The following GRIN2B variants were observed in gnomAD, a reference collection of about 807,000 sequenced individuals.
GRIN2B encodes glutamate ionotropic receptor NMDA type subunit 2B.
Under a neutral mutation model 114.5 loss-of-function variants are expected in GRIN2B, and 5 were observed. The observed-to-expected ratio is 0.04, with a 90% CI of 0.02 to 0.09. The LOEUF (loss-of-function observed/expected upper bound fraction) is 0.09, where lower values mean the gene tolerates loss of function less well. Ranked by LOEUF, GRIN2B falls within the 10% of genes least tolerant of loss-of-function variation. The pLI is 1.00. For synonymous variants in GRIN2B, 787 were observed against 745.1 expected (o/e 1.06, Z -0.92); for missense variants, 1,108 against 1,943.5 (o/e 0.57, Z 8.08).
At chr12:13,577,138 G>C (rs1211303452) in intron 10 of GRIN2B, among the ~76,000 whole-genome samples, 1 of 152,144 alleles carries the variant, frequency 6.6e-6, no homozygotes, top group East Asian at 1.9e-4. Context: ...GCCTACTAGG[G>C]AGTGAAGCCA....
chr12:13,648,760 GC>G (rs1949787234), intron 5 of GRIN2B, among the ~76,000 whole-genome samples: 1 of 151,954 alleles, frequency 6.6e-6, no homozygotes, highest in Non-Finnish European at 1.5e-5. Flanking sequence ...ACAAATCTCT[GC>G]CCTGGAGGAT....
intron 3 of GRIN2B, among the ~76,000 whole-genome samples, chr12:13,831,573 G>C (rs1377092492): frequency 6.6e-6 from 1 of 152,192 alleles, no homozygotes; most frequent in African/African-American, 2.4e-5. Context: ...TGGATTGAAA[G>C]GGACTGAAAT....
At chr12:13,971,067 G>C (rs943885484) in intron 2 of GRIN2B, among the ~76,000 whole-genome samples, 6 of 152,260 alleles carry the variant, frequency 3.9e-5, no homozygotes, top group Non-Finnish European at 7.4e-5. Context: ...GGCTGCAGTA[G>C]CTCCATGATT....
intron 3 of GRIN2B, among the ~76,000 whole-genome samples, chr12:13,759,174 A>AT (rs992653910): frequency 6.6e-6 from 1 of 150,772 alleles, no homozygotes; most frequent in Admixed American, 6.6e-5. Flanking sequence ...CACCCAGCTA[A>AT]TTTTTTTTGT....
At chr12:13,633,937 T>C (rs2136500097) in intron 5 of GRIN2B, among the ~76,000 whole-genome samples, 1 of 151,486 alleles carries the variant, frequency 6.6e-6, no homozygotes, top group African/African-American at 2.4e-5. Flanking sequence ...GCCGGAATGA[T>C]GGAAGAGCTG....
chr12:13,711,418 A>G (rs2136580931), intron 4 of GRIN2B, among the ~76,000 whole-genome samples: 1 of 152,326 alleles, frequency 6.6e-6, no homozygotes, highest in African/African-American at 2.4e-5. Flanking sequence ...CAGCAAAAGA[A>G]ACTACCATCA....
intron 3 of GRIN2B, among the ~76,000 whole-genome samples, chr12:13,857,372 TACACACACAC>T (rs142914230): frequency 2.7e-5 from 4 of 147,584 alleles, no homozygotes; most frequent in South Asian, 2.2e-4. Context: ...CACGCGTGCA[TACACACACAC>T]ACACACACAC....
intron 3 of GRIN2B, among the ~76,000 whole-genome samples, chr12:13,794,230 G>T (rs375674016): frequency 1.4e-5 from 2 of 141,430 alleles, no homozygotes; most frequent in Non-Finnish European, 3.1e-5. Flanking sequence ...AAAAGAAAAA[G>T]AAAAGAAAAA....
At chr12:13,896,879 T>A (rs1056868045) in intron 2 of GRIN2B, among the ~76,000 whole-genome samples, 9 of 152,204 alleles carry the variant, frequency 5.9e-5, no homozygotes, top group African/African-American at 2.2e-4. Context: ...TAAGCCACAG[T>A]ATTCTCATCT....
Position 13,539,375 on chromosome 12 carries a change from GCCT to G in GRIN2B, c.*23405_*23407del, listed in dbSNP as rs1948250052. 1 of 152,354 alleles carries G rather than the reference GCCT, an allele frequency of 6.6e-6. No individual in the cohort carries two copies. Among genetic ancestry groups the G allele is most frequent in the Non-Finnish European group, 1.5e-5 (1 of 68,038 alleles). 9.4% of individuals were successfully genotyped at this position (152,354 alleles called of 1,614,324 possible). ...TTTTAATAAAGTGATGTTGAAATGT[GCCT>G]CATGATTGGCATGTGAAAAGCTAAA... On this transcript the variant is annotated 3_prime_UTR_variant, in exon 14 of 14. Transcript: ENST00000609686.
At chr12:13,877,112 T>C (rs1866001632) in intron 2 of GRIN2B, among the ~76,000 whole-genome samples, 1 of 152,216 alleles carries the variant, frequency 6.6e-6, no homozygotes, top group Admixed American at 6.5e-5. Context: ...TATTTGTATG[T>C]GTAAATCAAT....
At chr12:13,619,206 G>C (rs1018755501) in intron 5 of GRIN2B, among the ~76,000 whole-genome samples, 1 of 152,160 alleles carries the variant, frequency 6.6e-6, no homozygotes, top group East Asian at 1.9e-4. Context: ...TTGGAATGAT[G>C]AACTGAACCA....
At chr12:13,653,507 G>C (rs535316691) in intron 5 of GRIN2B, among the ~76,000 whole-genome samples, 96 of 152,000 alleles carry the variant, frequency 6.3e-4, no homozygotes, top group African/African-American at 2.1e-3. Flanking sequence ...AATAAGGGAA[G>C]GCAGAGTGGG....
At chr12:13,569,047 A>C (rs2136412205) in intron 12 of GRIN2B, among the ~76,000 whole-genome samples, 1 of 152,304 alleles carries the variant, frequency 6.6e-6, no homozygotes, top group East Asian at 1.9e-4. Flanking sequence ...GACCTTCCAC[A>C]GTTCCATCTA....
chr12:13,753,998 A>T lies in GRIN2B; in HGVS notation c.412-83T>A. ...AATGGAGATTTTGAACCAAGTGGGT[A>T]CAAAGATTTGTGTTCATTACTTATT... is the stretch of plus-strand genomic sequence containing the variant. On this transcript the variant is annotated intron_variant, in intron 3 of 13. Coordinates refer to ENST00000609686, the MANE Select transcript of GRIN2B (RefSeq NM_000834.5). This position sits in a 1 kb window ranked among gnomAD's most constrained non-coding sequence, Gnocchi z 6.2. The T allele has an allele frequency of 1.2e-6, 1 of 820,532 alleles. No individual in the cohort carries two copies. 50.8% of individuals were successfully genotyped at this position (820,532 alleles called of 1,614,324 possible).
At chr12:13,794,771 T>C (rs894909456) in intron 3 of GRIN2B, among the ~76,000 whole-genome samples, 4 of 152,238 alleles carry the variant, frequency 2.6e-5, no homozygotes, top group Non-Finnish European at 5.9e-5. Flanking sequence ...GAATGCACAA[T>C]GCCCCTTTCT....
In GRIN2B at chr12:13,552,362, T is replaced by TATCA. The variant is rs1216541635; in HGVS notation, c.*10417_*10420dup. The stretch of plus-strand genomic sequence containing the variant: ...TTCAAGTTTCCCTACTTTCCGAAGC[T>TATCA]ATCATTGAAGCCAGTAACCAAGGGG... On this transcript the variant is annotated 3_prime_UTR_variant, in exon 14 of 14. Coordinates refer to ENST00000609686, the MANE Select transcript of GRIN2B (RefSeq NM_000834.5). 1 of 152,188 alleles carries TATCA rather than the reference T, an allele frequency of 6.6e-6. No homozygotes were observed. Among genetic ancestry groups the TATCA allele is most frequent in the Non-Finnish European group, 1.5e-5 (1 of 68,020 alleles). The allele number at this position is 152,188 out of a possible 1,614,324, so 9.4% of individuals were successfully genotyped here.
intron 3 of GRIN2B, among the ~76,000 whole-genome samples, chr12:13,790,271 T>A (rs1227147181): frequency 6.6e-6 from 1 of 152,088 alleles, no homozygotes; most frequent in East Asian, 1.9e-4. Context: ...CAGCACCCCA[T>A]CTTTCTGCAC....
intron 3 of GRIN2B, among the ~76,000 whole-genome samples, chr12:13,761,030 T>C (rs1213547431): frequency 6.6e-6 from 1 of 152,182 alleles, no homozygotes; most frequent in Non-Finnish European, 1.5e-5. Flanking sequence ...ATCAAAAATA[T>C]CATGACTGAA....
Sources: gnomAD v4.1 joint callset for allele counts (sites outside exome capture counted in the v4.1 genomes callset) on GRCh38, gnomAD v4.1.1 for gene constraint, Gnocchi (gnomAD v3.1) non-coding constraint, MANE v1.5 for transcripts, NCBI Gene and HGNC (gene_info 2026-07-23, HGNC 2026-07-21) for gene names.